FMN1: variants seen among roughly 807,000 people sequenced by gnomAD.
The protein encoded by FMN1 is formin 1, also known as formin-1.
In FMN1, 110 loss-of-function variants were observed where a neutral mutation model predicts 132.4. The ratio of observed to expected loss-of-function variants is 0.83; its 90% CI spans 0.71 to 0.97. FMN1 has a LOEUF of 0.97. Among genes scored for constraint, FMN1 ranks in the 50% least tolerant of loss-of-function variants. FMN1 has a pLI of 0.00. For synonymous variants in FMN1, 722 were observed against 651.7 expected (o/e 1.11, Z -1.64); for missense variants, 1,792 against 1,705.3 (o/e 1.05, Z -0.90).
intron 4 of FMN1, among the ~76,000 whole-genome samples, chr15:33,129,950 G>A (rs1963465287): frequency 6.6e-6 from 1 of 151,962 alleles, no homozygotes; most frequent in Non-Finnish European, 1.5e-5. Context: ...ACGCCAACAT[G>A]CCCAGCCAAT....
chr15:33,149,005 G>GT (rs947430964), intron 4 of FMN1, among the ~76,000 whole-genome samples: 3 of 137,022 alleles, frequency 2.2e-5, no homozygotes, highest in African/African-American at 8.3e-5. Context: ...TGGTGAATTT[G>GT]TTTTTTTCTT....
At chr15:32,976,762 T>C (rs1362026835) in intron 7 of FMN1, among the ~76,000 whole-genome samples, 3 of 152,128 alleles carry the variant, frequency 2.0e-5, no homozygotes, top group Non-Finnish European at 2.9e-5. Context: ...TGAAGCTGAC[T>C]CCGAGTAAAA....
chr15:33,097,627 A>C (rs1404445292), intron 4 of FMN1, among the ~76,000 whole-genome samples: 1 of 152,218 alleles, frequency 6.6e-6, no homozygotes, highest in Non-Finnish European at 1.5e-5. Flanking sequence ...TTAGGGAAAA[A>C]TAGTGGGGAG....
At chr15:33,080,168 G>T (rs575994713) in intron 5 of FMN1, among the ~76,000 whole-genome samples, 1 of 152,276 alleles carries the variant, frequency 6.6e-6, no homozygotes, top group African/African-American at 2.4e-5. Context: ...TAGCTTTAAG[G>T]GGTAGACTCT....
At chr15:33,064,609 C>T in intron 6 of FMN1, 1 of 180,706 alleles carries the variant, frequency 5.5e-6, no homozygotes, top group South Asian at 1.3e-4. Flanking sequence ...GAGAACCATA[C>T]TCTGCCTCTT....
chr15:33,033,667 TGG>T (rs777365222), intron 6 of FMN1, among the ~76,000 whole-genome samples: 5 of 142,972 alleles, frequency 3.5e-5, no homozygotes, highest in African/African-American at 1.3e-4. Flanking sequence ...AGCTACCTCA[TGG>T]TTTTTTTTTT....
chr15:32,885,587 G>A (rs557105100), intron 16 of FMN1, among the ~76,000 whole-genome samples: 14 of 152,318 alleles, frequency 9.2e-5, no homozygotes, highest in African/African-American at 3.4e-4. Flanking sequence ...AGAATTAAAA[G>A]AGGTGATATA....
At position 32,838,578 on chromosome 15, in the gene FMN1, C is replaced by T. The variant is rs558575596; in HGVS notation, c.3928+18437G>A. 8.5e-5 allele frequency among the ~76,000 whole-genome samples: 13 copies of T among 152,346 alleles called. No individual in the cohort carries two copies. In the South Asian group the frequency reaches 2.7e-3, roughly 32 times the overall value. On this transcript the variant is annotated intron_variant, in intron 17 of 20. Transcript: ENST00000616417. ...GCCTCCAGCCTGTGTGTACAACACA[C>T]ATGCCCGCTTAAAGCCCCGCTTAAA...
At chr15:33,128,284 G>A (rs902629446) in intron 4 of FMN1, among the ~76,000 whole-genome samples, 20 of 152,144 alleles carry the variant, frequency 1.3e-4, no homozygotes, top group African/African-American at 4.8e-4. Context: ...GCAACAGTTG[G>A]GAATTTGAAC....
chr15:32,926,292 A>G (rs1227317533), intron 9 of FMN1, 31 bp from the exon 10 acceptor site: 2 of 1,237,058 alleles, frequency 1.6e-6, no homozygotes, highest in Non-Finnish European at 2.3e-6. Flanking sequence ...AAAAGAATAC[A>G]AGCTCAAATG....
intron 9 of FMN1, among the ~76,000 whole-genome samples, chr15:32,934,156 T>A (rs1199333856): frequency 6.6e-6 from 1 of 152,132 alleles, no homozygotes; most frequent in Non-Finnish European, 1.5e-5. Flanking sequence ...GTTGTTACTA[T>A]GAGACTTACA....
intron 4 of FMN1, among the ~76,000 whole-genome samples, chr15:33,093,059 T>C (rs992197602): frequency 2.0e-5 from 3 of 152,230 alleles, no homozygotes; most frequent in African/African-American, 4.8e-5. Flanking sequence ...GAACATACTA[T>C]ATAACCAGCA....
Position 33,154,124 on chromosome 15 carries a change from C to T in FMN1, c.791G>A (p.Arg264Lys). The part of the protein sequence containing the change: ...ETAFKDTGLG[R>K]EVLPPDCSST... ...GCTGCAGTCAGGGGGCAGCACTTCT[C>T]TTCCAAGCCCAGTGTCCTTGAAAGC... The change falls in exon 4 of 21, where the codon AGA becomes AAA. Residue 264 changes from arginine to lysine, a missense_variant. Arg to Lys is a conservative substitution (Grantham distance 26). Coordinates refer to ENST00000616417, the MANE Select transcript of FMN1 (RefSeq NM_001277313.2). 1 of 1,536,260 alleles carries T rather than the reference C, an allele frequency of 6.5e-7. No homozygotes were observed. Among genetic ancestry groups the T allele is most frequent in the East Asian group, 2.4e-5 (1 of 40,908 alleles).
chr15:33,049,509 A>T (rs2141168010), intron 6 of FMN1, among the ~76,000 whole-genome samples: 1 of 152,360 alleles, frequency 6.6e-6, no homozygotes, highest in Admixed American at 6.5e-5. Flanking sequence ...GTAATTTATG[A>T]TGGTGATAGT....
At chr15:33,122,046 C>T (rs1388730781) in intron 4 of FMN1, among the ~76,000 whole-genome samples, 1 of 151,592 alleles carries the variant, frequency 6.6e-6, no homozygotes. Context: ...TACAGTCAGG[C>T]CAATAGACAA....
At chr15:32,953,886 C>T (rs962780615) in intron 9 of FMN1, among the ~76,000 whole-genome samples, 3 of 152,312 alleles carry the variant, frequency 2.0e-5, no homozygotes, top group South Asian at 4.1e-4. Context: ...CGCTCATTGA[C>T]TAGGTAAAAA....
chr15:32,778,402 C>T (rs1045291917), intron 19 of FMN1, among the ~76,000 whole-genome samples: 12 of 151,144 alleles, frequency 7.9e-5, no homozygotes, highest in African/African-American at 2.4e-4. Context: ...AAATCATATA[C>T]CTGATAGAAA....
intron 15 of FMN1, among the ~76,000 whole-genome samples, chr15:32,897,165 G>T (rs2060180055): frequency 6.6e-6 from 1 of 152,106 alleles, no homozygotes; most frequent in African/African-American, 2.4e-5. Context: ...GTTTTGATTT[G>T]CATTTCCCTG....
chr15:33,123,877 G>C (rs1429827214), intron 4 of FMN1, among the ~76,000 whole-genome samples: 2 of 152,186 alleles, frequency 1.3e-5, no homozygotes, highest in Non-Finnish European at 2.9e-5. Context: ...TACAGGCATG[G>C]AGCTCAAATG....
Sources: allele counts gnomAD v4.1 joint callset (sites outside exome capture counted in the v4.1 genomes callset), GRCh38; gene constraint gnomAD v4.1.1; transcripts MANE v1.5; gene names NCBI Gene and HGNC (gene_info 2026-07-23, HGNC 2026-07-21).